RELN: variants seen among roughly 807,000 people sequenced by gnomAD.
RELN encodes reelin.
A neutral mutation model predicts 427.6 loss-of-function variants in RELN; 108 were observed. That is an observed-to-expected ratio of 0.25 (90% confidence interval 0.22 to 0.30). The LOEUF (loss-of-function observed/expected upper bound fraction) is 0.30. Ranked by LOEUF, RELN falls within the 10% of genes least tolerant of loss-of-function variation. The pLI, the probability that RELN is intolerant of heterozygous loss-of-function variation, is 1.00. For missense variants in RELN, 3,715 were observed against 4,302.8 expected (o/e 0.86, Z 3.82); for synonymous variants, 1,524 against 1,513.4 (o/e 1.01, Z -0.16).
chr7:103,596,666 C>T lies in RELN; in HGVS notation c.3334-5G>A. ...CACCAGCTGTCTTTTCCCAGCCTTT[C>T]AGAAAAGAAGAAAAATCAAATTCAG... On this transcript the variant is annotated splice_polypyrimidine_tract_variant and splice_region_variant and intron_variant, in intron 24 of 64. Transcript: ENST00000428762. 1 of 1,613,398 alleles carries T rather than the reference C, an allele frequency of 6.2e-7. No homozygotes were observed. Among genetic ancestry groups the T allele is most frequent in the Non-Finnish European group, 8.5e-7 (1 of 1,179,440 alleles).
In RELN at chr7:103,642,995, C is replaced by G. The variant is rs139474001; in HGVS notation, c.2003-2386G>C. Among the ~76,000 whole-genome samples, 114 of 152,134 alleles carry G rather than the reference C, an allele frequency of 7.5e-4. No individual in the cohort carries two copies. In the South Asian group the frequency reaches 0.011, roughly 15 times the overall value. ...TTTATATCCATATAACTCATAAGGTCTTTGAGGGTGGGCTTTCCATTCGTC... is the reference window on the plus strand; with the variant it reads ...TTTATATCCATATAACTCATAAGGTGTTTGAGGGTGGGCTTTCCATTCGTC... On this transcript the variant is annotated intron_variant, in intron 16 of 64. Coordinates refer to ENST00000428762, the MANE Select transcript of RELN (RefSeq NM_005045.4).
chr7:103,486,165 A>T (rs370978104), intron 61 of RELN, 32 bp downstream of exon 61: 23 of 1,594,238 alleles, frequency 1.4e-5, no homozygotes, highest in Middle Eastern at 2.2e-4. Flanking sequence ...GACTAATTCT[A>T]TGTCTGGACT....
At chr7:103,753,766 A>G (rs1330131636) in intron 4 of RELN, among the ~76,000 whole-genome samples, 5 of 152,240 alleles carry the variant, frequency 3.3e-5, no homozygotes, top group Non-Finnish European at 5.9e-5. Context: ...AGTATCTTCT[A>G]AATTGTCTGC....
intron 2 of RELN, among the ~76,000 whole-genome samples, chr7:103,867,485 A>G (rs1794227915): frequency 6.6e-6 from 1 of 152,096 alleles, no homozygotes; most frequent in South Asian, 2.1e-4. Flanking sequence ...TTTTCAATGT[A>G]CTGGATCAAA....
rs1023783346 is a variant in RELN at position 103,600,070 on chromosome 7, T to G, written c.3333+3234A>C. ...CCCCACTATGCCCAGCTAATTTTAT[T>G]TTATTATTTTAGAGACAGGCTCTTG... On this transcript the variant is annotated intron_variant, in intron 24 of 64. Coordinates refer to ENST00000428762, the MANE Select transcript of RELN (RefSeq NM_005045.4). Among the ~76,000 whole-genome samples the G allele has an allele frequency of 5.3e-4, 80 of 152,142 alleles. 1 individual carries two copies. Among genetic ancestry groups the G allele is most frequent in the African/African-American group, 1.9e-3 (80 of 41,516 alleles).
At chr7:103,665,583 G>A (rs1833246882) in intron 11 of RELN, among the ~76,000 whole-genome samples, 1 of 152,048 alleles carries the variant, frequency 6.6e-6, no homozygotes, top group Admixed American at 6.6e-5. Context: ...TTACTGATAA[G>A]AAGTTATCTA....
At chr7:103,681,968 A>G in intron 11 of RELN, 148 bp downstream of exon 11, 2 of 774,742 alleles carry the variant, frequency 2.6e-6, no homozygotes, top group Non-Finnish European at 4.5e-6. Flanking sequence ...TCTTTAGGGT[A>G]AGTGCACCCC....
At chr7:103,570,109 G>A (rs1278931887) in intron 31 of RELN, among the ~76,000 whole-genome samples, 1 of 152,130 alleles carries the variant, frequency 6.6e-6, no homozygotes, top group Non-Finnish European at 1.5e-5. Context: ...TTACACGGCC[G>A]GCACTGAGTT....
intron 57 of RELN, among the ~76,000 whole-genome samples, chr7:103,492,312 AAAGT>A (rs1828700799): frequency 6.6e-6 from 1 of 152,230 alleles, no homozygotes. Context: ...GGCCAAAAAG[AAAGT>A]AACATTAGTC....
chr7:103,682,081 C>T (rs200243267), intron 11 of RELN, 35 bp downstream of exon 11: 4 of 1,592,728 alleles, frequency 2.5e-6, no homozygotes, highest in Non-Finnish European at 3.4e-6. Flanking sequence ...AATGTAAGTG[C>T]TACATACACA....
chr7:103,632,556 T>C (rs1180516126), intron 19 of RELN, among the ~76,000 whole-genome samples: 5 of 152,128 alleles, frequency 3.3e-5, no homozygotes, highest in Non-Finnish European at 7.4e-5. Context: ...TCTTTGGGTG[T>C]AGGGGGAGTT....
At chr7:103,905,147 AT>A (rs1355835919) in intron 2 of RELN, among the ~76,000 whole-genome samples, 3 of 151,878 alleles carry the variant, frequency 2.0e-5, no homozygotes, top group African/African-American at 7.3e-5. Flanking sequence ...CACCTGGCTA[AT>A]TTTTATATTT....
chr7:103,967,790 A>C (rs922953843), intron 1 of RELN, among the ~76,000 whole-genome samples: 1 of 152,204 alleles, frequency 6.6e-6, no homozygotes, highest in Non-Finnish European at 1.5e-5. Flanking sequence ...ACTCAGGCCT[A>C]AACTACCATT....
chr7:103,564,446 G>A (rs1357696549), intron 34 of RELN, among the ~76,000 whole-genome samples: 1 of 152,220 alleles, frequency 6.6e-6, no homozygotes, highest in African/African-American at 2.4e-5. Context: ...AGACTGTAGG[G>A]ACACAGGGAG....
intron 11 of RELN, among the ~76,000 whole-genome samples, chr7:103,665,379 T>A (rs913182697): frequency 1.0e-4 from 15 of 149,278 alleles, no homozygotes; most frequent in Non-Finnish European, 2.1e-4. Context: ...TATATATATA[T>A]ATAAAATCTG....
At position 103,728,165 on chromosome 7, in the gene RELN, C is replaced by T. The variant is rs780491620; in HGVS notation, c.699G>A (p.Ala233=). 1.9e-5 allele frequency: 31 copies of T among 1,613,686 alleles called. No individual in the cohort carries two copies. Among genetic ancestry groups the T allele is most frequent in the African/African-American group, 5.3e-5 (4 of 74,876 alleles). The stretch of plus-strand genomic sequence containing the variant: ...AGGTGACGGCATTGCCATGCATAAT[C>T]GCGCCACACTGTTCTCCAGTCTCAC... ...NNCETGEQCG[A]IMHGNAVTFC... is the part of the protein sequence containing the mutation. The change falls in exon 7 of 65, where the codon GCG becomes GCA. Residue 233 remains alanine (A), a synonymous_variant. Coordinates refer to ENST00000428762, the MANE Select transcript of RELN (RefSeq NM_005045.4).
Position 103,575,862 on chromosome 7 carries a change from C to A in RELN, c.4146-157G>T, listed in dbSNP as rs566661997. On this transcript the variant is annotated intron_variant, in intron 28 of 64. Coordinates refer to ENST00000428762, the MANE Select transcript of RELN (RefSeq NM_005045.4). ...TAACCTTCATAAGCTGTCTCTCAGA[C>A]CTTTCTCTCTCTCTCTCTTTTTTTT... Among the ~76,000 whole-genome samples, 5 of 152,240 alleles carry A rather than the reference C, an allele frequency of 3.3e-5. No homozygotes were observed. The East Asian group carries it at 7.7e-4, about 24-fold the overall frequency.
intron 2 of RELN, among the ~76,000 whole-genome samples, chr7:103,907,566 AGAGT>A (rs1795241844): frequency 6.6e-6 from 1 of 151,856 alleles, no homozygotes. Flanking sequence ...AAGAGAATAG[AGAGT>A]GACTGCTAAT....
At chr7:103,487,545 G>GA (rs573397766) in intron 60 of RELN, among the ~76,000 whole-genome samples, 12 of 150,068 alleles carry the variant, frequency 8.0e-5, no homozygotes, top group African/African-American at 2.2e-4. Flanking sequence ...TATATTGTTG[G>GA]AAAAAAAATC....
Sources: allele counts gnomAD v4.1 joint callset (sites outside exome capture counted in the v4.1 genomes callset), GRCh38; gene constraint gnomAD v4.1.1; transcripts MANE v1.5; gene names NCBI Gene and HGNC (gene_info 2026-07-23, HGNC 2026-07-21).